Variants in STK32C observed in about 807,000 individuals in gnomAD.
STK32C encodes the protein serine/threonine-protein kinase 32C.
A neutral mutation model predicts 56.5 loss-of-function variants in STK32C; 31 were observed. The ratio of observed to expected loss-of-function variants is 0.55; its 90% CI spans 0.41 to 0.74. STK32C has a LOEUF of 0.74. STK32C is among the 30% of genes least tolerant of loss of function. The pLI is 0.00. For missense variants in STK32C, 544 were observed against 676.9 expected (o/e 0.80, Z 2.18); for synonymous variants, 309 against 289.4 (o/e 1.07, Z -0.69).
At chr10:132,322,530 A>G (rs1044618143), downstream of STK32C, among the ~76,000 whole-genome samples, 1 of 152,228 alleles carries the variant, frequency 6.6e-6, no homozygotes, top group Non-Finnish European at 1.5e-5. Flanking sequence ...ATTTTCTCCT[A>G]AGGATGTGTA....
chr10:132,220,017 A>G (rs1299176395), intron 10 of STK32C, among the ~76,000 whole-genome samples: 1 of 152,214 alleles, frequency 6.6e-6, no homozygotes, highest in Non-Finnish European at 1.5e-5. Context: ...TCCTTGGTGA[A>G]TATCAGCCAC....
chr10:132,317,050 G>A (rs530374951), intron 1 of STK32C, among the ~76,000 whole-genome samples: 1 of 151,360 alleles, frequency 6.6e-6, no homozygotes, highest in East Asian at 1.9e-4. Flanking sequence ...GGCATGTTGT[G>A]AAAATGTAGT....
chr10:132,258,255 G>A (rs561527728), intron 1 of STK32C, among the ~76,000 whole-genome samples: 2 of 152,354 alleles, frequency 1.3e-5, no homozygotes, highest in South Asian at 2.1e-4. Context: ...CGGGCACAGC[G>A]GGAGCTTTGC....
At chr10:132,301,298 T>A (rs2065904915) in intron 1 of STK32C, among the ~76,000 whole-genome samples, 1 of 152,170 alleles carries the variant, frequency 6.6e-6, no homozygotes, top group South Asian at 2.1e-4. Context: ...TGAACCCAGA[T>A]GCAGCTCCGA....
In STK32C at chr10:132,222,969, G is replaced by T; in HGVS notation, c.1011C>A (p.Pro337=). Residue 337 remains proline, a synonymous_variant, in exon 9 of 12, where the codon CCC becomes CCA. Transcript: ENST00000298630. ...CCTGGAGGCTGGAGAGCCGGTGCTC[G>T]GGGTTCACAGTGAGGAGCTGCAACC... ...ALLRKLLTVN[P]EHRLSSLQDV... 6.5e-7 allele frequency: 1 copy of T among 1,550,198 alleles called. No homozygotes were observed.
intron 1 of STK32C, among the ~76,000 whole-genome samples, chr10:132,300,869 A>T (rs2065892504): frequency 6.6e-6 from 1 of 152,228 alleles, no homozygotes; most frequent in African/African-American, 2.4e-5. Flanking sequence ...AGTCAGCAGC[A>T]GCAGGAGAAA....
At chr10:132,219,612 G>A (rs1291862711) in intron 10 of STK32C, among the ~76,000 whole-genome samples, 6 of 152,182 alleles carry the variant, frequency 3.9e-5, no homozygotes, top group Non-Finnish European at 7.3e-5. Context: ...CCATCCTGTG[G>A]CTCTCAGCAG....
At chr10:132,300,601 G>A (rs2065884099) in intron 1 of STK32C, among the ~76,000 whole-genome samples, 1 of 152,244 alleles carries the variant, frequency 6.6e-6, no homozygotes, top group African/African-American at 2.4e-5. Flanking sequence ...ATTGCTTATA[G>A]CTTTCCCCAA....
intron 1 of STK32C, among the ~76,000 whole-genome samples, chr10:132,262,363 T>C (rs2064330943): frequency 6.6e-6 from 1 of 152,172 alleles, no homozygotes; most frequent in Admixed American, 6.5e-5. Flanking sequence ...AACACCCTTC[T>C]TGACACCAGC....
intron 1 of STK32C, among the ~76,000 whole-genome samples, chr10:132,272,390 C>T (rs1420405205): frequency 2.0e-5 from 3 of 152,224 alleles, no homozygotes; most frequent in Non-Finnish European, 2.9e-5. Flanking sequence ...TTACGCCACC[C>T]ACGAACAACC....
chr10:132,213,797 T>G, intron 10 of STK32C, among the ~76,000 whole-genome samples: 1 of 151,908 alleles, frequency 6.6e-6, no homozygotes, highest in East Asian at 1.9e-4. Flanking sequence ...AGAAGGGCAA[T>G]GTAAGTAGAG....
intron 1 of STK32C, chr10:132,249,058 G>C (rs371633190): frequency 2.1e-6 from 1 of 476,828 alleles, no homozygotes. Context: ...GTGCGACGGA[G>C]GCGGCGGCTC....
chr10:132,331,813 A>G (rs752752764), exon 1 of STK32C: 2 of 1,578,514 alleles, frequency 1.3e-6, no homozygotes, highest in South Asian at 1.1e-5. Flanking sequence ...CCCGTCGACC[A>G]CCACCCCTTC....
rs1477572299 is a variant in STK32C, at chr10:132,255,792, C to T, written c.263-9837G>A. On this transcript the variant is annotated intron_variant, in intron 1 of 11. Transcript: ENST00000298630. The surrounding 1 kb of genome is among the most constrained non-coding windows in gnomAD (Gnocchi z 4.6). ...TCAGTCCAGAGGGGGCCTGGAGCCTCGAGGTCATGCCTGGGTGCCAGCACC... is the reference window on the plus strand; with the variant it reads ...TCAGTCCAGAGGGGGCCTGGAGCCTTGAGGTCATGCCTGGGTGCCAGCACC... Among the ~76,000 whole-genome samples, 2 of 152,176 alleles carry T rather than the reference C, an allele frequency of 1.3e-5. No homozygotes were observed. Among genetic ancestry groups the T allele is most frequent in the Non-Finnish European group, 2.9e-5 (2 of 68,024 alleles).
intron 1 of STK32C, among the ~76,000 whole-genome samples, chr10:132,257,820 TG>T (rs1366369373): frequency 6.7e-6 from 1 of 148,696 alleles, no homozygotes; most frequent in African/African-American, 2.5e-5. Context: ...TGCCCTGGGC[TG>T]GGGGCTCCTC....
At chr10:132,299,422 A>G (rs543592809) in intron 1 of STK32C, among the ~76,000 whole-genome samples, 2 of 152,168 alleles carry the variant, frequency 1.3e-5, no homozygotes, top group South Asian at 4.1e-4. Context: ...CAGCATGGAC[A>G]GCTGATCCAC....
chr10:132,222,971 G>A lies in STK32C; in HGVS notation c.1009C>T (p.Pro337Ser), dbSNP rs1457867293. 6.4e-6 allele frequency: 10 copies of A among 1,550,404 alleles called. No homozygotes were observed. Among genetic ancestry groups the A allele is most frequent in the East Asian group, 2.4e-5 (1 of 41,452 alleles). Reference protein sequence around the residue: ...ALLRKLLTVNPEHRLSSLQDV... With the variant: ...ALLRKLLTVNSEHRLSSLQDV... The stretch of plus-strand genomic sequence containing the variant: ...TGGAGGCTGGAGAGCCGGTGCTCGG[G>A]GTTCACAGTGAGGAGCTGCAACCAG... The change falls in exon 9 of 12, where the codon CCC becomes TCC. Residue 337 changes from proline (P) to serine (S), a missense_variant. By Grantham distance (74) the Pro-to-Ser change is moderately conservative. This residue lies in a region of STK32C where 277 missense variants were observed against 309.3 expected (regional missense o/e 0.90). Coordinates refer to ENST00000298630, the MANE Select transcript of STK32C (RefSeq NM_173575.4).
At chr10:132,260,996 G>C (rs77223790) in intron 1 of STK32C, among the ~76,000 whole-genome samples, 4,926 of 146,018 alleles carry the variant, frequency 0.034, 122 homozygotes, top group African/African-American at 0.092. Context: ...CCAGCCCCTG[G>C]GGCTGGGGGA....
chr10:132,288,247 C>G (rs1429840686), intron 1 of STK32C, among the ~76,000 whole-genome samples: 1 of 152,162 alleles, frequency 6.6e-6, no homozygotes, highest in Admixed American at 6.5e-5. Flanking sequence ...TATAAAACTT[C>G]TAGAAGAAAA....
Sources: allele counts gnomAD v4.1 joint callset (sites outside exome capture counted in the v4.1 genomes callset), GRCh38; gene constraint gnomAD v4.1.1; regional missense constraint gnomAD v4.1.1; non-coding constraint Gnocchi (gnomAD v3.1); transcripts MANE v1.5; gene names NCBI Gene and HGNC (gene_info 2026-07-23, HGNC 2026-07-21).